The following ARHGAP5 variants were observed in gnomAD, a reference collection of about 807,000 sequenced individuals.
ARHGAP5 encodes Rho GTPase activating protein 5, also known as rho GTPase-activating protein 5.
A neutral mutation model predicts 116.6 loss-of-function variants in ARHGAP5; 23 were observed. The observed-to-expected ratio is 0.20, with a 90% CI of 0.14 to 0.28. The LOEUF is 0.28. ARHGAP5 is among the 10% of genes least tolerant of loss of function. The pLI is 1.00. For synonymous variants in ARHGAP5, 574 were observed against 602.0 expected (o/e 0.95, Z 0.68); for missense variants, 1,405 against 1,774.8 (o/e 0.79, Z 3.74).
intron 1 of ARHGAP5, 42 bp downstream of exon 1, chr14:32,077,477 C>T (rs954989991): frequency 2.0e-5 from 14 of 685,018 alleles, no homozygotes; most frequent in African/African-American, 3.6e-5. Flanking sequence ...CTGCCTGCCC[C>T]CTCCCGGACG....
chr14:32,152,446 C>T lies in ARHGAP5; in HGVS notation c.4099C>T (p.Leu1367Phe), dbSNP rs189213873. ...AGAAATCCCGGATAAAACAGAACGT[C>T]TTCATGCCTTGAAAGAAATTGTTAA... The part of the protein sequence containing the change: ...AAKIPDKTER[L>F]HALKEIVKKF... Residue 1367 changes from leucine (L) to phenylalanine (F), a missense_variant, in exon 6 of 7, where the codon CTT becomes TTT. Physicochemically the swap from Leu to Phe is conservative, Grantham distance 22. This residue lies in a region of ARHGAP5 where 176 missense variants were observed against 221.2 expected (regional missense o/e 0.80). Transcript: ENST00000345122. The T allele has an allele frequency of 1.9e-6, 3 of 1,606,258 alleles. No homozygotes were observed. Among genetic ancestry groups the T allele is most frequent in the Admixed American group, 1.7e-5 (1 of 58,412 alleles).
chr14:32,106,743 C>G (rs1301771994), intron 2 of ARHGAP5, among the ~76,000 whole-genome samples: 1 of 152,100 alleles, frequency 6.6e-6, no homozygotes, highest in Admixed American at 6.6e-5. Context: ...CCAGGTACAT[C>G]AAAATAGATG....
At position 32,156,939 on chromosome 14, in the gene ARHGAP5, A is replaced by G. The variant is rs892280091; in HGVS notation, c.*1991A>G. The G allele has an allele frequency of 3.9e-5, 6 of 152,360 alleles. No homozygotes were observed. The highest frequency in any genetic ancestry group is 1.2e-4 in the African/African-American group (5 of 41,456). 9.4% of individuals were successfully genotyped at this position (152,360 alleles called of 1,614,324 possible). A position where few individuals can be genotyped will look rare whatever the true frequency, so the allele number is the denominator to read the frequency against. ...CAGTTCATTCTGTCATAACTTTGCT[A>G]TTGTAATATGTGAATACCAGTTTAT... On this transcript the variant is annotated 3_prime_UTR_variant, in exon 7 of 7. Transcript: ENST00000345122.
intron 3 of ARHGAP5, among the ~76,000 whole-genome samples, chr14:32,136,673 A>G (rs181175464): frequency 1.9e-3 from 294 of 152,326 alleles, no homozygotes; most frequent in Middle Eastern, 0.01. Flanking sequence ...AACTTAGTAG[A>G]GAAGCACCAC....
chr14:32,111,340 A>G (rs1489514689), intron 2 of ARHGAP5, among the ~76,000 whole-genome samples: 1 of 152,200 alleles, frequency 6.6e-6, no homozygotes, highest in African/African-American at 2.4e-5. Context: ...AGGGACCAGA[A>G]AAGGAGACTA....
chr14:32,143,227 G>A lies in ARHGAP5; in HGVS notation c.3866-3036G>A, dbSNP rs538225643. ...AGTTGTTGTTGTTGTTGTTGTTGTT[G>A]TTGTTGTTGTTGTTATTATTATTAT... On this transcript the variant is annotated intron_variant, in intron 3 of 6. Coordinates refer to ENST00000345122, the MANE Select transcript of ARHGAP5 (RefSeq NM_001030055.2). 4.2e-3 allele frequency among the ~76,000 whole-genome samples: 614 copies of A among 147,658 alleles called. 4 individuals are homozygous for A. Among genetic ancestry groups the A allele is most frequent in the African/African-American group, 0.016 (587 of 37,780 alleles).
At chr14:32,086,995 C>T (rs2041836060) in intron 1 of ARHGAP5, among the ~76,000 whole-genome samples, 1 of 152,000 alleles carries the variant, frequency 6.6e-6, no homozygotes, top group African/African-American at 2.4e-5. Context: ...GTCTTGGTTT[C>T]TTCATCAGTA....
rs1237629658 is a variant in ARHGAP5 at position 32,134,005 on chromosome 14, CAG to C, written c.3866-12254_3866-12253del. On this transcript the variant is annotated intron_variant, in intron 3 of 6. Transcript: ENST00000345122. The stretch of plus-strand genomic sequence containing the variant: ...GCTTCATCCCGATACCAAAGCCTGG[CAG>C]AGACACAACTAAAAAAGGGAATTTT... Among the ~76,000 whole-genome samples the C allele has an allele frequency of 6.6e-5, 10 of 152,168 alleles. No homozygotes were observed. In the East Asian group the frequency reaches 1.9e-3, roughly 29 times the overall value.
intron 2 of ARHGAP5, among the ~76,000 whole-genome samples, chr14:32,111,885 A>T: frequency 8.4e-6 from 1 of 119,402 alleles, no homozygotes; most frequent in African/African-American, 3.4e-5. Context: ...CTCTGTTACT[A>T]GGCTGGAGTG....
intron 3 of ARHGAP5, among the ~76,000 whole-genome samples, chr14:32,141,099 A>AT (rs1225182243): frequency 6.6e-6 from 1 of 151,910 alleles, no homozygotes; most frequent in African/African-American, 2.4e-5. Context: ...CTTAAAGTCT[A>AT]TTTTTTCTGA....
intron 3 of ARHGAP5, among the ~76,000 whole-genome samples, chr14:32,136,903 T>C (rs1880833622): frequency 6.6e-6 from 1 of 152,174 alleles, no homozygotes; most frequent in Admixed American, 6.5e-5. Context: ...GGAGAAATTT[T>C]TTTTTTTAAG....
At chr14:32,080,509 T>G (rs2041761456) in intron 1 of ARHGAP5, among the ~76,000 whole-genome samples, 2 of 152,102 alleles carry the variant, frequency 1.3e-5, no homozygotes, top group African/African-American at 4.8e-5. Flanking sequence ...TTAATTTTTT[T>G]TAAGTCTCTG....
chr14:32,135,403 C>T (rs1880736712), intron 3 of ARHGAP5, among the ~76,000 whole-genome samples: 1 of 152,164 alleles, frequency 6.6e-6, no homozygotes, highest in Admixed American at 6.5e-5. Context: ...TTCACCAGAT[C>T]CTAGAATTTT....
intron 2 of ARHGAP5, among the ~76,000 whole-genome samples, chr14:32,115,663 CAAAA>C (rs60051497): frequency 2.5e-5 from 1 of 39,952 alleles, no homozygotes. Flanking sequence ...GACTCCGTCT[CAAAA>C]AAAAAAAAAA....
intron 3 of ARHGAP5, among the ~76,000 whole-genome samples, chr14:32,140,090 ATTTG>A (rs1881031812): frequency 2.3e-5 from 1 of 44,302 alleles, no homozygotes; most frequent in African/African-American, 9.9e-5. Flanking sequence ...TTTTTAGGTT[ATTTG>A]TTCTTTTTTT....
intron 3 of ARHGAP5, among the ~76,000 whole-genome samples, chr14:32,130,861 T>G (rs1478183472): frequency 6.6e-6 from 1 of 152,206 alleles, no homozygotes; most frequent in Non-Finnish European, 1.5e-5. Context: ...TTTCAAAATT[T>G]TGGGACCTTT....
At chr14:32,079,518 G>A (rs1169974473) in intron 1 of ARHGAP5, among the ~76,000 whole-genome samples, 1 of 152,176 alleles carries the variant, frequency 6.6e-6, no homozygotes, top group African/African-American at 2.4e-5. Context: ...TATTAGCACA[G>A]TCATTTTTTT....
At chr14:32,094,474 C>T (rs1878427991) in intron 2 of ARHGAP5, 88 bp downstream of exon 2, 1 of 955,554 alleles carries the variant, frequency 1.0e-6, no homozygotes, top group Non-Finnish European at 1.6e-6. Flanking sequence ...AATTTAGTCT[C>T]ATTCATTCCA....
intron 2 of ARHGAP5, among the ~76,000 whole-genome samples, chr14:32,102,964 AAT>A (rs1229132857): frequency 4.6e-5 from 7 of 152,204 alleles, no homozygotes; most frequent in Admixed American, 6.5e-5. Context: ...CTGAAAATTA[AAT>A]ATGTTTTATA....
Sources: allele counts gnomAD v4.1 joint callset (sites outside exome capture counted in the v4.1 genomes callset), GRCh38; gene constraint gnomAD v4.1.1; regional missense constraint gnomAD v4.1.1; transcripts MANE v1.5; gene names NCBI Gene and HGNC (gene_info 2026-07-23, HGNC 2026-07-21).